Variants in PLAAT3 observed in about 807,000 individuals in gnomAD.
PLAAT3 encodes Ca-independent phospholipase A1/2.
In PLAAT3, 21 loss-of-function variants were observed where a neutral mutation model predicts 16.7. The ratio of observed to expected loss-of-function variants is 1.26; its 90% CI spans 0.89 to 1.81. PLAAT3 has a LOEUF of 1.81. Ranked by LOEUF, PLAAT3 falls within the 40% of genes most tolerant of loss-of-function variation. The pLI is 0.00. For synonymous variants in PLAAT3, 76 were observed against 81.7 expected (o/e 0.93, Z 0.38); for missense variants, 219 against 213.7 (o/e 1.02, Z -0.16).
chr11:63,577,167 CT>C (rs773068565), intron 4 of PLAAT3, among the ~76,000 whole-genome samples: 3,416 of 139,242 alleles, frequency 0.025, 104 homozygotes, highest in African/African-American at 0.072. Context: ...GGCAAGTGCA[CT>C]TTTTTTTTTT....
chr11:63,595,164 G>A (rs1184864803), intron 3 of PLAAT3, among the ~76,000 whole-genome samples: 1 of 151,862 alleles, frequency 6.6e-6, no homozygotes, highest in Non-Finnish European at 1.5e-5. Context: ...GGTGGTGCGT[G>A]CCTGTAATCC....
intron 3 of PLAAT3, among the ~76,000 whole-genome samples, chr11:63,595,221 G>A (rs974085975): frequency 2.0e-5 from 3 of 151,252 alleles, no homozygotes; most frequent in East Asian, 1.9e-4. Flanking sequence ...AAAGCAGGAG[G>A]TGGAGGTTGC....
Position 63,598,028 on chromosome 11 carries a change from G to GCCCA in PLAAT3, c.118+29_118+32dup, listed in dbSNP as rs765867760. ...ATCCCCTCTCTTCCCAGCCCCTGGG[G>GCCCA]CCCATCACAGTGGAGGTCCCATGTG... On this transcript the variant is annotated intron_variant, in intron 3 of 4. Coordinates refer to ENST00000415826, the MANE Select transcript of PLAAT3 (RefSeq NM_001128203.2). The GCCCA allele has an allele frequency of 2.1e-6, 3 of 1,397,982 alleles. No homozygotes were observed. The South Asian group carries it at 3.5e-5, about 16-fold the overall frequency. The allele number at this position is 1,397,982 out of a possible 1,614,324, so 86.6% of individuals were successfully genotyped here.
chr11:63,599,070 T>A (rs905841910), intron 2 of PLAAT3, among the ~76,000 whole-genome samples: 1 of 152,096 alleles, frequency 6.6e-6, no homozygotes, highest in African/African-American at 2.4e-5. Flanking sequence ...CATCCCAGAA[T>A]CAGACCCTGC....
intron 2 of PLAAT3, among the ~76,000 whole-genome samples, chr11:63,608,120 C>T (rs1462434480): frequency 2.0e-5 from 3 of 151,982 alleles, no homozygotes; most frequent in Admixed American, 2.0e-4. Flanking sequence ...AGGCAGAGGT[C>T]GCAGTGAGCC....
At chr11:63,607,226 G>A (rs2134430379) in intron 2 of PLAAT3, among the ~76,000 whole-genome samples, 1 of 152,328 alleles carries the variant, frequency 6.6e-6, no homozygotes, top group South Asian at 2.1e-4. Flanking sequence ...CTCACGCTGG[G>A]CAGCGGGTAT....
Position 63,574,589 on chromosome 11 carries a change from T to C in PLAAT3, c.*356A>G, listed in dbSNP as rs2017634123. 1 of 204,280 alleles carries C rather than the reference T, an allele frequency of 4.9e-6. No individual in the cohort carries two copies. The highest frequency in any genetic ancestry group is 9.9e-6 in the Non-Finnish European group (1 of 101,036). The allele number at this position is 204,280 out of a possible 1,614,324, so 12.7% of individuals were successfully genotyped here. ...GCTTTCTGTTCTTGTGTATTATGTC[T>C]TTCTGTCTCCCTTCCGCCCCGCATG... On this transcript the variant is annotated 3_prime_UTR_variant, in exon 5 of 5. Transcript: ENST00000415826.
At chr11:63,610,344 A>G (rs1264198870) in intron 2 of PLAAT3, among the ~76,000 whole-genome samples, 2 of 152,170 alleles carry the variant, frequency 1.3e-5, no homozygotes, top group Non-Finnish European at 2.9e-5. Context: ...CCATAGCCCT[A>G]TTATTGGATG....
chr11:63,613,780 G>C (rs1351343123), intron 2 of PLAAT3, among the ~76,000 whole-genome samples: 3 of 152,264 alleles, frequency 2.0e-5, no homozygotes, highest in African/African-American at 7.2e-5. Flanking sequence ...GTTTCAGGCA[G>C]GGCGCCCCCA....
At chr11:63,596,261 AAAAG>A (rs1590693046) in intron 3 of PLAAT3, among the ~76,000 whole-genome samples, 2 of 149,986 alleles carry the variant, frequency 1.3e-5, no homozygotes, top group East Asian at 3.9e-4. Context: ...AAAAAAAAAA[AAAAG>A]AGTTGAGTGT....
rs138602782 is a variant in PLAAT3 at position 63,581,377 on chromosome 11, G to A, written c.388-6331C>T. On this transcript the variant is annotated intron_variant, in intron 4 of 4. Coordinates refer to ENST00000415826, the MANE Select transcript of PLAAT3 (RefSeq NM_001128203.2). ...ACCCTGGGGAAGGAATGCATTCCTGGGGGTAGGTCTATAGACGGCCGCTCT... is the reference window on the plus strand; with the variant it reads ...ACCCTGGGGAAGGAATGCATTCCTGAGGGTAGGTCTATAGACGGCCGCTCT... 6.9e-3 allele frequency among the ~76,000 whole-genome samples: 1,044 copies of A among 152,240 alleles called. 11 individuals are homozygous for A. The highest frequency in any genetic ancestry group is 0.024 in the African/African-American group (983 of 41,530).
chr11:63,590,419 G>A (rs367974149), intron 3 of PLAAT3, 51 bp from the exon 4 acceptor site: 133 of 1,561,614 alleles, frequency 8.5e-5, no homozygotes, highest in Admixed American at 7.8e-4. Context: ...GAAGGGCCAC[G>A]GAGGCTCAGA....
rs893419051 is a variant in PLAAT3 at position 63,607,479 on chromosome 11, G to C, written c.15+6521C>G. ...AGTTCAAGGCCAGCCTGGGAAACATGTGAGACCCCATCTCTAAAATTTAAA... is the reference window on the plus strand; with the variant it reads ...AGTTCAAGGCCAGCCTGGGAAACATCTGAGACCCCATCTCTAAAATTTAAA... On this transcript the variant is annotated intron_variant, in intron 2 of 4. Coordinates refer to ENST00000415826, the MANE Select transcript of PLAAT3 (RefSeq NM_001128203.2). Among the ~76,000 whole-genome samples the C allele has an allele frequency of 4.6e-5, 7 of 151,796 alleles. No homozygotes were observed. The East Asian group carries it at 1.4e-3, about 29-fold the overall frequency.
intron 4 of PLAAT3, among the ~76,000 whole-genome samples, chr11:63,589,859 T>C (rs1938095519): frequency 6.6e-6 from 1 of 152,090 alleles, no homozygotes. Context: ...GGAATGATCA[T>C]CATGTCTGTG....
chr11:63,605,722 T>G (rs189109385), intron 2 of PLAAT3, among the ~76,000 whole-genome samples: 7 of 151,868 alleles, frequency 4.6e-5, no homozygotes, highest in Admixed American at 2.6e-4. Flanking sequence ...CGGGCTAATT[T>G]TTTGTATTTT....
chr11:63,582,613 G>A (rs533351622), intron 4 of PLAAT3, among the ~76,000 whole-genome samples: 1 of 151,114 alleles, frequency 6.6e-6, no homozygotes, highest in Non-Finnish European at 1.5e-5. Context: ...AATTCACCAC[G>A]ACACTCAGCT....
intron 4 of PLAAT3, among the ~76,000 whole-genome samples, chr11:63,585,757 G>C (rs1446658019): frequency 6.6e-6 from 1 of 152,170 alleles, no homozygotes; most frequent in Non-Finnish European, 1.5e-5. Context: ...CAAGTGAATG[G>C]GTAGATGGGT....
chr11:63,604,045 G>C (rs1388040058), intron 2 of PLAAT3, among the ~76,000 whole-genome samples: 1 of 152,088 alleles, frequency 6.6e-6, no homozygotes, highest in Non-Finnish European at 1.5e-5. Flanking sequence ...CCAGCCACTC[G>C]AGAAGCTGAG....
rs1937776391 is a variant in PLAAT3, at chr11:63,580,480, C to A, written c.388-5434G>T. ...ACCAGCCTGGCCAACATGGTGAAACCCCATCTCTACTAAAAATACAAAAAT... is the reference window on the plus strand; with the variant it reads ...ACCAGCCTGGCCAACATGGTGAAACACCATCTCTACTAAAAATACAAAAAT... On this transcript the variant is annotated intron_variant, in intron 4 of 4. Coordinates refer to ENST00000415826, the MANE Select transcript of PLAAT3 (RefSeq NM_001128203.2). 2.6e-5 allele frequency among the ~76,000 whole-genome samples: 4 copies of A among 152,026 alleles called. No homozygotes were observed. In the South Asian group the frequency reaches 8.3e-4, roughly 32 times the overall value.
Sources: allele counts gnomAD v4.1 joint callset (sites outside exome capture counted in the v4.1 genomes callset), GRCh38; gene constraint gnomAD v4.1.1; transcripts MANE v1.5; gene names NCBI Gene and HGNC (gene_info 2026-07-23, HGNC 2026-07-21).